FRMD6: variants seen among roughly 807,000 people sequenced by gnomAD.
FRMD6 encodes FERM domain-containing protein 6.
A neutral mutation model predicts 73.2 loss-of-function variants in FRMD6; 37 were observed. The ratio of observed to expected loss-of-function variants is 0.51; its 90% confidence interval spans 0.39 to 0.66. FRMD6 has a LOEUF of 0.66. FRMD6 is among the 30% of genes least tolerant of loss of function. FRMD6 has a pLI of 0.00. For missense variants in FRMD6, 714 were observed against 780.5 expected (o/e 0.91, Z 1.02); for synonymous variants, 273 against 282.2 (o/e 0.97, Z 0.33).
At chr14:51,590,395 T>C (rs1031162748) in intron 2 of FRMD6, among the ~76,000 whole-genome samples, 2 of 151,886 alleles carry the variant, frequency 1.3e-5, no homozygotes, top group Non-Finnish European at 2.9e-5. Flanking sequence ...GAAGGATTAA[T>C]TGGTTTGTAC....
intron 2 of FRMD6, among the ~76,000 whole-genome samples, chr14:51,585,030 A>G (rs560890487): frequency 5.9e-5 from 9 of 152,296 alleles, no homozygotes; most frequent in African/African-American, 2.2e-4. Context: ...CGTAGTGAAC[A>G]CTCAATACAC....
At chr14:51,605,801 G>T (rs1890234690) in intron 2 of FRMD6, among the ~76,000 whole-genome samples, 1 of 152,180 alleles carries the variant, frequency 6.6e-6, no homozygotes. Flanking sequence ...GGCAACCAGA[G>T]TCACAAGATA....
intron 1 of FRMD6, 96 bp from the exon 2 acceptor site, chr14:51,689,595 C>T: frequency 2.1e-6 from 1 of 479,848 alleles, no homozygotes; most frequent in South Asian, 3.5e-5. Flanking sequence ...TGTCCCTGTG[C>T]CCACAATAGT....
In FRMD6 at chr14:51,510,649, A is replaced by C. The variant is rs543363541; in HGVS notation, c.-210+21229A>C. 2.5e-3 allele frequency among the ~76,000 whole-genome samples: 375 copies of C among 152,284 alleles called. 1 individual carries two copies. Among genetic ancestry groups the C allele is most frequent in the African/African-American group, 8.6e-3 (359 of 41,548 alleles). ...ATTTTCTTTGTAAACCTTATGTGAA[A>C]TCTGAATACATAAACTTATTAAATC... On this transcript the variant is annotated intron_variant, in intron 1 of 14. Coordinates refer to the FRMD6 transcript ENST00000356218.
chr14:51,442,617 A>G, the FRMD6 span, among the ~76,000 whole-genome samples: 1 of 152,084 alleles, frequency 6.6e-6, no homozygotes, highest in African/African-American at 2.4e-5. Flanking sequence ...TGCTCCCCAC[A>G]TATTATAAGC....
In FRMD6 at chr14:51,715,836, T is replaced by G. The variant is rs550121094; in HGVS notation, c.1024+337T>G. ...AAGGGTTTATCTGCAACTCAGATTT[T>G]ATCTGCATTTTAGAGCTTTGTATTT... is the stretch of plus-strand genomic sequence containing the variant. On this transcript the variant is annotated intron_variant, in intron 10 of 13. Transcript: ENST00000344768. 2.0e-5 allele frequency among the ~76,000 whole-genome samples: 3 copies of G among 152,370 alleles called. No individual in the cohort carries two copies. In the South Asian group the frequency reaches 6.2e-4, roughly 32 times the overall value.
the FRMD6 span, among the ~76,000 whole-genome samples, chr14:51,433,467 G>A: frequency 3.3e-5 from 5 of 152,296 alleles, no homozygotes; most frequent in East Asian, 9.6e-4. Flanking sequence ...TACTATGCTT[G>A]ATGTGAGAAA....
At chr14:51,409,536 T>C in the FRMD6 span, among the ~76,000 whole-genome samples, 1 of 152,156 alleles carries the variant, frequency 6.6e-6, no homozygotes, top group South Asian at 2.1e-4. Flanking sequence ...CTTTAATTCT[T>C]GTTAAAATGC....
intron 1 of FRMD6, among the ~76,000 whole-genome samples, chr14:51,664,544 A>C (rs1893439594): frequency 6.6e-6 from 1 of 152,262 alleles, no homozygotes; most frequent in African/African-American, 2.4e-5. Flanking sequence ...TGGTTGGTAG[A>C]ATGAAAACTT....
At chr14:51,530,309 G>A (rs750883730) in intron 1 of FRMD6, among the ~76,000 whole-genome samples, 1 of 152,164 alleles carries the variant, frequency 6.6e-6, no homozygotes, top group African/African-American at 2.4e-5. Context: ...ATGGGGCCAT[G>A]TTTGGAGTAT....
chr14:51,412,894 T>C, the FRMD6 span, among the ~76,000 whole-genome samples: 1 of 151,406 alleles, frequency 6.6e-6, no homozygotes, highest in Non-Finnish European at 1.5e-5. Flanking sequence ...CAGACAAAAA[T>C]GGGACAGAGT....
Position 51,725,764 on chromosome 14 carries a change from T to C in FRMD6, c.1493-15T>C. ...TTGAAGTATTTATTGTTTTTATCTC[T>C]GTGTTTTATTTCAGGGTTGATTGTG... On this transcript the variant is annotated splice_polypyrimidine_tract_variant and intron_variant, in intron 12 of 13. Coordinates refer to ENST00000344768, the MANE Select transcript of FRMD6 (RefSeq NM_001267046.2). 1.3e-6 allele frequency: 2 copies of C among 1,570,520 alleles called. No homozygotes were observed. Among genetic ancestry groups the C allele is most frequent in the Non-Finnish European group, 1.8e-6 (2 of 1,140,502 alleles).
chr14:51,581,369 G>A (rs1482191914), intron 2 of FRMD6, among the ~76,000 whole-genome samples: 1 of 152,188 alleles, frequency 6.6e-6, no homozygotes, highest in Admixed American at 6.5e-5. Context: ...ACCAAGATGA[G>A]TAAGGCAATT....
Position 51,701,142 on chromosome 14 carries a change from C to A in FRMD6, c.277C>A (p.Gln93Lys). ...EWKKEASKVR[Q>K]YEVTWGIDQF... ...GAAGAAAGAGGCCAGCAAGGTACGA[C>A]AATACGAAGTCACTTGGGTGAGATT... Residue 93 changes from glutamine (Q) to lysine (K), a missense_variant, in exon 4 of 14, where the codon CAA becomes AAA. Transcript: ENST00000344768. 1 of 1,565,568 alleles carries A rather than the reference C, an allele frequency of 6.4e-7. No homozygotes were observed. Among genetic ancestry groups the A allele is most frequent in the Middle Eastern group, 1.7e-4 (1 of 5,930 alleles).
At chr14:51,541,347 G>A (rs1886191280) in intron 1 of FRMD6, among the ~76,000 whole-genome samples, 3 of 152,024 alleles carry the variant, frequency 2.0e-5, no homozygotes, top group Admixed American at 2.0e-4. Flanking sequence ...TATTCACTGA[G>A]CATTGACTGA....
At chr14:51,708,363 T>G (rs1225078657) in intron 7 of FRMD6, 130 bp downstream of exon 7, 1 of 901,936 alleles carries the variant, frequency 1.1e-6, no homozygotes, top group Non-Finnish European at 1.6e-6. Context: ...TAAAAGAGTT[T>G]CATTGAACTG....
chr14:51,498,699 C>T (rs1450423416), intron 1 of FRMD6, among the ~76,000 whole-genome samples: 2 of 152,164 alleles, frequency 1.3e-5, no homozygotes, highest in South Asian at 2.1e-4. Flanking sequence ...CAAGCTTCAA[C>T]AGGCAAGCAT....
chr14:51,490,852 C>T (rs1474508342), intron 1 of FRMD6, among the ~76,000 whole-genome samples: 2 of 152,150 alleles, frequency 1.3e-5, no homozygotes, highest in African/African-American at 4.8e-5. Context: ...CTGTGTTCCT[C>T]TCAGTACTGG....
At chr14:51,497,034 G>T (rs1459091165) in intron 1 of FRMD6, among the ~76,000 whole-genome samples, 1 of 152,086 alleles carries the variant, frequency 6.6e-6, no homozygotes. Flanking sequence ...TTGAAACAGG[G>T]ACATGGTAAC....
Sources: gnomAD v4.1 joint callset for allele counts (sites outside exome capture counted in the v4.1 genomes callset) on GRCh38, gnomAD v4.1.1 for gene constraint, MANE v1.5 for transcripts, NCBI Gene and HGNC (gene_info 2026-07-23, HGNC 2026-07-21) for gene names.